The following DCX variants were observed in gnomAD, a reference collection of about 807,000 sequenced individuals.
The protein encoded by DCX is doublecortin, also known as neuronal migration protein doublecortin.
DCX carries 4 observed loss-of-function variants against 20.9 expected under a neutral mutation model. The ratio of observed to expected loss-of-function variants is 0.19; its 90% confidence interval spans 0.09 to 0.44. The LOEUF is 0.44. Ranked by LOEUF, DCX falls within the 20% of genes least tolerant of loss-of-function variation. The pLI is 0.99. For synonymous variants in DCX, 103 were observed against 111.4 expected, an observed-to-expected ratio of 0.92 and a Z score of 0.47; for missense variants, 133 against 296.9, an observed-to-expected ratio of 0.45 and a Z score of 4.06.
chrX:111,304,717 G>A (rs925339288), intron 6 of DCX, among the ~76,000 whole-genome samples: 5 of 111,881 alleles, frequency 4.5e-5, no homozygotes, highest in African/African-American at 9.8e-5. Flanking sequence ...AATCACAGCC[G>A]TATGAGGAAG....
At chrX:111,318,637 A>T (rs1177353916) in intron 5 of DCX, among the ~76,000 whole-genome samples, 1 of 111,257 alleles carries the variant, frequency 9.0e-6, no homozygotes, top group Admixed American at 9.6e-5. Flanking sequence ...AAGATTATGT[A>T]CTTTGCGGTA....
intron 3 of DCX, among the ~76,000 whole-genome samples, chrX:111,351,170 G>C (rs1923270103): frequency 8.9e-6 from 1 of 111,843 alleles, no homozygotes; most frequent in Admixed American, 9.5e-5. Flanking sequence ...TTGGAAGATA[G>C]GTAAGAGGAT....
intron 3 of DCX, among the ~76,000 whole-genome samples, chrX:111,337,692 T>G (rs1921865480): frequency 8.9e-6 from 1 of 112,320 alleles, no homozygotes; most frequent in African/African-American, 3.2e-5. Flanking sequence ...CAGAAATAAA[T>G]GTTTTCTCGA....
At chrX:111,385,257 T>C (rs1487253500) in intron 3 of DCX, among the ~76,000 whole-genome samples, 2 of 112,453 alleles carry the variant, frequency 1.8e-5, no homozygotes. Flanking sequence ...ATAATAAATA[T>C]GTTGGGTTTT....
chrX:111,307,244 C>A (rs1046531100), intron 6 of DCX, among the ~76,000 whole-genome samples: 2 of 108,024 alleles, frequency 1.9e-5, no homozygotes, highest in Non-Finnish European at 3.8e-5. Context: ...GAATATGCAG[C>A]CGTACACAGC....
chrX:111,303,881 T>C (rs973737753), intron 6 of DCX, among the ~76,000 whole-genome samples: 2 of 112,170 alleles, frequency 1.8e-5, no homozygotes, highest in African/African-American at 6.5e-5. Context: ...TCTTTGCTGG[T>C]CACATATGGT....
At chrX:111,381,997 G>A (rs191850799) in intron 3 of DCX, among the ~76,000 whole-genome samples, 140 of 111,564 alleles carry the variant, frequency 1.3e-3, no homozygotes, top group African/African-American at 4.3e-3. Context: ...TATAGCAGTC[G>A]TTCTCATGCT....
intron 3 of DCX, among the ~76,000 whole-genome samples, chrX:111,380,449 T>C (rs745684700): frequency 3.6e-5 from 4 of 111,583 alleles, no homozygotes; most frequent in African/African-American, 1.3e-4. Flanking sequence ...TTGAATTACA[T>C]TGGTATTTTG....
At chrX:111,323,608 T>G (rs1437938354) in intron 5 of DCX, among the ~76,000 whole-genome samples, 1 of 102,744 alleles carries the variant, frequency 9.7e-6, no homozygotes. Context: ...TTTCTGTTTT[T>G]TTTTTTTTTT....
intron 3 of DCX, among the ~76,000 whole-genome samples, chrX:111,342,186 C>T (rs185316355): frequency 0.031 from 2,053 of 66,406 alleles, 55 homozygotes; most frequent in Non-Finnish European, 0.045. Flanking sequence ...GAAAATTTAC[C>T]AAGCAAAAGG....
chrX:111,363,415 A>G (rs1209806763), intron 3 of DCX, among the ~76,000 whole-genome samples: 1 of 109,687 alleles, frequency 9.1e-6, no homozygotes, highest in South Asian at 4.1e-4. Flanking sequence ...CAAGGCCCCA[A>G]GAAAACAGTT....
At position 111,333,139 on chromosome X, in the gene DCX, A is replaced by G. The variant is rs771472922; in HGVS notation, c.720T>C (p.His240=). 4 of 1,205,064 alleles carry G rather than the reference A, an allele frequency of 3.3e-6. No homozygotes were observed. Among genetic ancestry groups the G allele is most frequent in the Non-Finnish European group, 2.2e-6 (2 of 891,159 alleles). The change falls in exon 4 of 7, where the codon CAT becomes CAC. Residue 240 remains histidine, a synonymous_variant. Transcript: ENST00000636035. The part of the protein sequence containing the change: ...TLDGKQVTCL[H]DFFGDDDVFI... ...ACACATCATCATCACCAAAGAAATC[A>G]TGGAGACAAGTTACCTATGGAGAAA...
chrX:111,365,295 T>A (rs1235774011), intron 3 of DCX, among the ~76,000 whole-genome samples: 3 of 109,721 alleles, frequency 2.7e-5, no homozygotes, highest in Non-Finnish European at 5.7e-5. Flanking sequence ...AAAATTAATT[T>A]AAAATTATAT....
chrX:111,394,222 G>A (rs1927159916), intron 3 of DCX, among the ~76,000 whole-genome samples: 2 of 111,686 alleles, frequency 1.8e-5, no homozygotes, highest in Non-Finnish European at 3.8e-5. Flanking sequence ...ATTATGCTAG[G>A]TCAGGCAGGC....
chrX:111,315,248 C>T (rs1325729467), intron 5 of DCX, among the ~76,000 whole-genome samples: 5 of 97,305 alleles, frequency 5.1e-5, no homozygotes, highest in African/African-American at 2.0e-4. Context: ...AACAAACAAC[C>T]CCATCAAAAA....
At chrX:111,403,499 C>A (rs931947008) in intron 2 of DCX, among the ~76,000 whole-genome samples, 4 of 111,087 alleles carry the variant, frequency 3.6e-5, no homozygotes, top group Non-Finnish European at 7.6e-5. Flanking sequence ...GAGGGCCCAG[C>A]CTCAGCCAAA....
chrX:111,379,125 T>C (rs903741916), intron 3 of DCX, among the ~76,000 whole-genome samples: 2 of 112,482 alleles, frequency 1.8e-5, no homozygotes, highest in African/African-American at 6.4e-5. Flanking sequence ...GAAGTTTTAG[T>C]TGATAAGCAC....
intron 3 of DCX, among the ~76,000 whole-genome samples, chrX:111,392,043 C>G (rs1926992781): frequency 9.0e-6 from 1 of 111,154 alleles, no homozygotes; most frequent in Admixed American, 9.6e-5. Context: ...AGGTAGAACT[C>G]AGATTAAAAA....
At chrX:111,372,208 C>T (rs1270705815) in intron 3 of DCX, among the ~76,000 whole-genome samples, 1 of 112,085 alleles carries the variant, frequency 8.9e-6, no homozygotes, top group African/African-American at 3.2e-5. Context: ...TCAGTGACAA[C>T]ATCTCTGTGG....
Sources: allele counts gnomAD v4.1 joint callset (sites outside exome capture counted in the v4.1 genomes callset), GRCh38; gene constraint gnomAD v4.1.1; transcripts MANE v1.5; gene names NCBI Gene and HGNC (gene_info 2026-07-23, HGNC 2026-07-21).